SULT1A4: variants seen among roughly 807,000 people sequenced by gnomAD.
SULT1A4 encodes sulfotransferase family 1A member 4.
For synonymous variants in SULT1A4, 3 were observed against 19.4 expected, an observed-to-expected ratio of 0.15 and a Z score of 2.22; for missense variants, 4 against 40.6, an observed-to-expected ratio of 0.10 and a Z score of 2.45.
At chr16:29,461,285 A>C (rs1596710250) in intron 1 of SULT1A4, 97 bp from the exon 2 acceptor site, 1 of 1,448,026 alleles carries the variant, frequency 6.9e-7, no homozygotes, top group African/African-American at 1.5e-5. Context: ...TGAGAGTGAG[A>C]CTCCATCTCA....
chr16:29,461,717 CGTACG>C lies in SULT1A4; in HGVS notation c.230_234del (p.Val77GlyfsTer5). The C allele has an allele frequency of 8.9e-6, 2 of 225,690 alleles. No homozygotes were observed. Among genetic ancestry groups the C allele is most frequent in the Non-Finnish European group, 1.6e-5 (2 of 128,238 alleles). The allele number at this position is 225,690 out of a possible 1,614,324, so 14.0% of individuals were successfully genotyped here. A position where few individuals can be genotyped will look rare whatever the true frequency, so the allele number is the denominator to read the frequency against. The stretch of plus-strand genomic sequence containing the variant: ...AGAAGTGTAACCGGGCTCCCATCTA[CGTACG>C]GGTGCCCTTCCTTGAGGTCAATGAT... On this transcript the variant is annotated frameshift_variant, in exon 3 of 8. Transcript: ENST00000360423. LOFTEE classifies it high-confidence loss of function.
At chr16:29,462,628 G>T (rs1227006982) in intron 4 of SULT1A4, 2 of 95,864 alleles carry the variant, frequency 2.1e-5, no homozygotes, top group African/African-American at 4.8e-5. Flanking sequence ...GGAATTACAG[G>T]CGTGAGCCAC....
chr16:29,461,196 G>A (rs1223375822), intron 1 of SULT1A4, among the ~76,000 whole-genome samples, 186 bp from the exon 2 acceptor site: 10 of 50,472 alleles, frequency 2.0e-4, no homozygotes, highest in African/African-American at 4.2e-4. Context: ...TTGGGATGCC[G>A]AGGCGGGAGG....
chr16:29,462,331 C>T (rs1407308449), intron 4 of SULT1A4, among the ~76,000 whole-genome samples: 4 of 148,322 alleles, frequency 2.7e-5, no homozygotes, highest in Admixed American at 6.7e-5. Flanking sequence ...AGGGCCTCCT[C>T]GCTTCTGCCA....
At chr16:29,462,456 C>T (rs2142179003) in intron 4 of SULT1A4, among the ~76,000 whole-genome samples, 1 of 137,156 alleles carries the variant, frequency 7.3e-6, no homozygotes, top group South Asian at 2.2e-4. Context: ...TCAAGTGATT[C>T]TCCTGCCTCA....
intron 4 of SULT1A4, chr16:29,462,650 C>CT (rs1275840099): frequency 0.019 from 1,317 of 68,338 alleles, no homozygotes; most frequent in South Asian, 0.053. Context: ...GCGCCTGGCC[C>CT]TTTTTTTTTT....
intron 1 of SULT1A4, among the ~76,000 whole-genome samples, chr16:29,461,133 A>AG (rs1964857372): frequency 7.8e-5 from 1 of 12,894 alleles, no homozygotes; most frequent in African/African-American, 1.2e-4. Flanking sequence ...TCTCTACTAA[A>AG]GAAAAAAAAA....
intron 1 of SULT1A4, 104 bp from the exon 2 acceptor site, chr16:29,461,278 G>A: frequency 7.2e-7 from 1 of 1,397,076 alleles, no homozygotes; most frequent in Non-Finnish European, 9.4e-7. Context: ...GCTTGGGTGA[G>A]AGTGAGACTC....
chr16:29,462,493 C>T (rs1464046262), intron 4 of SULT1A4, among the ~76,000 whole-genome samples: 9 of 119,552 alleles, frequency 7.5e-5, no homozygotes, highest in Admixed American at 1.8e-4. Flanking sequence ...GGATTACAGG[C>T]GTGTGCTACC....
intron 4 of SULT1A4, among the ~76,000 whole-genome samples, chr16:29,462,302 A>G (rs2142178806): frequency 6.8e-6 from 1 of 147,074 alleles, no homozygotes; most frequent in South Asian, 2.1e-4. Flanking sequence ...CCTCTCAGCC[A>G]TGTACCTGTT....
intron 4 of SULT1A4, chr16:29,462,650 CT>C (rs1275840099): frequency 0.027 from 1,830 of 67,680 alleles, no homozygotes; most frequent in South Asian, 0.079. Context: ...GCGCCTGGCC[CT>C]TTTTTTTTTT....
At chr16:29,462,077 CA>C (rs1964875300) in intron 4 of SULT1A4, 127 bp downstream of exon 4, 2 of 98,766 alleles carry the variant, frequency 2.0e-5, no homozygotes, top group Admixed American at 2.0e-4. Context: ...CCCATCTCTA[CA>C]AAAATAAAAT....
intron 1 of SULT1A4, among the ~76,000 whole-genome samples, 156 bp from the exon 2 acceptor site, chr16:29,461,226 T>G (rs1596710205): frequency 1.4e-5 from 1 of 70,526 alleles, no homozygotes; most frequent in Non-Finnish European, 3.6e-5. Context: ...ACCCAAGAGG[T>G]GGAGTTTGCA....
At chr16:29,461,286 C>T in intron 1 of SULT1A4, 96 bp from the exon 2 acceptor site, 2 of 1,459,098 alleles carry the variant, frequency 1.4e-6, no homozygotes, top group African/African-American at 1.5e-5. Context: ...GAGAGTGAGA[C>T]TCCATCTCAA....
chr16:29,461,050 T>C (rs1406054832), intron 1 of SULT1A4, among the ~76,000 whole-genome samples: 314 of 11,036 alleles, frequency 0.028, 1 homozygote, highest in African/African-American at 0.04. Context: ...CCCAGCACTT[T>C]GGGAGGCTGA....
intron 4 of SULT1A4, among the ~76,000 whole-genome samples, chr16:29,462,435 G>A (rs1446499851): frequency 3.6e-5 from 5 of 140,228 alleles, no homozygotes; most frequent in South Asian, 2.2e-4. Flanking sequence ...TGCAACCTCC[G>A]CCTCCCCAGT....
At chr16:29,462,190 C>T (rs1964877033) in intron 4 of SULT1A4, among the ~76,000 whole-genome samples, 1 of 128,052 alleles carries the variant, frequency 7.8e-6, no homozygotes, top group South Asian at 2.2e-4. Flanking sequence ...CCCTGATGAT[C>T]CTGCTGCTGC....
At chr16:29,461,610 CT>C in intron 2 of SULT1A4, 27 bp from the exon 3 acceptor site, 1 of 307,516 alleles carries the variant, frequency 3.3e-6, no homozygotes, top group South Asian at 2.4e-5. Flanking sequence ...CCTCAGCCTG[CT>C]CACCTCCTAT....
chr16:29,462,200 C>T lies in SULT1A4; in HGVS notation c.372+250C>T, dbSNP rs1221247025. Among the ~76,000 whole-genome samples, 4 of 128,646 alleles carry T rather than the reference C, an allele frequency of 3.1e-5. No individual in the cohort carries two copies. In the East Asian group the frequency reaches 8.6e-4, roughly 28 times the overall value. 84.4% of individuals were successfully genotyped at this position (128,646 alleles called of 152,430 possible). ...ATGAGCCCTGATGATCCTGCTGCTG[C>T]ACTCCAGCCTGGGCAACACAGCAAA... On this transcript the variant is annotated intron_variant, in intron 4 of 7. Coordinates refer to ENST00000360423, the MANE Select transcript of SULT1A4 (RefSeq NM_001017390.3).
Sources: allele counts gnomAD v4.1 joint callset (sites outside exome capture counted in the v4.1 genomes callset), GRCh38; gene constraint gnomAD v4.1.1; transcripts MANE v1.5; gene names NCBI Gene and HGNC (gene_info 2026-07-23, HGNC 2026-07-21).